The following SON variants were observed in gnomAD, a reference collection of about 807,000 sequenced individuals.
The protein encoded by SON is protein SON.
SON carries 4 observed loss-of-function variants against 173.3 expected under a neutral mutation model. The ratio of observed to expected loss-of-function variants is 0.02; its 90% CI spans 0.01 to 0.05. The LOEUF is 0.05. Among genes scored for constraint, SON ranks in the 10% least tolerant of loss-of-function variants. SON has a pLI of 1.00. For synonymous variants in SON, 1,190 were observed against 1,105.9 expected (o/e 1.08, Z -1.51); for missense variants, 2,626 against 3,055.3 (o/e 0.86, Z 3.31).
intron 2 of SON, among the ~76,000 whole-genome samples, chr21:33,548,530 C>G (rs573618409): frequency 1.3e-5 from 2 of 152,322 alleles, no homozygotes; most frequent in Admixed American, 1.3e-4. Context: ...TTTTTATACT[C>G]TGTAGAAGCA....
intron 1 of SON, among the ~76,000 whole-genome samples, chr21:33,544,772 C>A (rs1416141123): frequency 6.6e-6 from 1 of 152,160 alleles, no homozygotes; most frequent in African/African-American, 2.4e-5. Flanking sequence ...AAGATGAAAT[C>A]ATTACTTCCT....
At position 33,573,172 on chromosome 21, in the gene SON, TAGAGG is replaced by T. The variant is rs534355524; in HGVS notation, c.6886-134_6886-130del. On this transcript the variant is annotated intron_variant, in intron 8 of 11. Coordinates refer to ENST00000356577, the MANE Select transcript of SON (RefSeq NM_138927.4). The stretch of plus-strand genomic sequence containing the variant: ...TACACACTACAGTATGTATAAAGTA[TAGAGG>T]AATTTACATTTAATTGCTATAACAG... The T allele has an allele frequency of 1.2e-4, 79 of 666,886 alleles. No homozygotes were observed. In the African/African-American group the frequency reaches 1.3e-3, roughly 11 times the overall value. 41.3% of individuals were successfully genotyped at this position (666,886 alleles called of 1,614,324 possible).
chr21:33,565,357 C>T (rs758902466), intron 6 of SON, among the ~76,000 whole-genome samples: 65 of 152,238 alleles, frequency 4.3e-4, no homozygotes, highest in Admixed American at 2.0e-3. Flanking sequence ...TGCCTAAGCA[C>T]CCTAACACTT....
At position 33,576,522 on chromosome 21, in the gene SON, A is replaced by G. The variant is rs1298809919; in HGVS notation, c.*98A>G. On this transcript the variant is annotated 3_prime_UTR_variant, in exon 12 of 12. Transcript: ENST00000356577. ...TGGTTCTTCAAGCAATGGGCCTTGT[A>G]CCAAAGGACCTCATGGCTAATGCCA... 1.2e-6 allele frequency: 1 copy of G among 811,234 alleles called. No individual in the cohort carries two copies. Among genetic ancestry groups the G allele is most frequent in the Non-Finnish European group, 2.2e-6 (1 of 446,496 alleles). The allele number at this position is 811,234 out of a possible 1,614,324, so 50.3% of individuals were successfully genotyped here.
intron 9 of SON, 132 bp downstream of exon 9, chr21:33,573,587 T>G (rs2086334616): frequency 2.8e-6 from 2 of 717,054 alleles, no homozygotes; most frequent in Admixed American, 6.2e-5. Flanking sequence ...GAAAAAACAT[T>G]AACCCCTTTT....
rs762060083 is a variant in SON at position 33,553,283 on chromosome 21, C to T, written c.4052C>T (p.Ala1351Val). The T allele has an allele frequency of 6.2e-7, 1 of 1,614,160 alleles. No homozygotes were observed. Among genetic ancestry groups the T allele is most frequent in the East Asian group, 2.2e-5 (1 of 44,896 alleles). ...ATTCTGGAGCCGCCAGCCATGGCTG[C>T]CCCAGAGTCTTCAGCTATGGCTGTC... ...ESILEPPAMA[A>V]PESSAMAVLE... The change falls in exon 3 of 12, where the codon GCC becomes GTC. Residue 1351 changes from alanine to valine, a missense_variant. Around this residue, in one of 13 missense-constraint regions of SON, gnomAD observed 1,006 missense variants for 895.6 expected, o/e 1.12. Transcript: ENST00000356577.
At chr21:33,564,272 C>A (rs1257446940) in intron 6 of SON, among the ~76,000 whole-genome samples, 2 of 152,180 alleles carry the variant, frequency 1.3e-5, no homozygotes, top group African/African-American at 4.8e-5. Context: ...GGTTTTTAAT[C>A]ACACTAGTTA....
In SON at chr21:33,559,416, T is replaced by C. The variant is rs757371356; in HGVS notation, c.6468+40T>C. ...TTATGGATTGGTAAAACAGTGTAACTTGTGGAACTATTTAAATAAAACCCA... is the reference window on the plus strand; with the variant it reads ...TTATGGATTGGTAAAACAGTGTAACCTGTGGAACTATTTAAATAAAACCCA... On this transcript the variant is annotated intron_variant, in intron 5 of 11. Coordinates refer to ENST00000356577, the MANE Select transcript of SON (RefSeq NM_138927.4). The surrounding 1 kb of genome is among the most constrained non-coding windows in gnomAD (Gnocchi z 4.1). 1 of 1,556,370 alleles carries C rather than the reference T, an allele frequency of 6.4e-7. No homozygotes were observed. Among genetic ancestry groups the C allele is most frequent in the Non-Finnish European group, 8.7e-7 (1 of 1,154,456 alleles).
rs559157240 is a variant in SON at position 33,567,411 on chromosome 21, T to C, written c.6768+144T>C. 8.2e-6 allele frequency: 5 copies of C among 609,284 alleles called. No individual in the cohort carries two copies. The South Asian group carries it at 8.4e-5, about 10-fold the overall frequency. The allele number at this position is 609,284 out of a possible 1,614,324, so 37.7% of individuals were successfully genotyped here. ...TTACCTTATTTTCAATGTCTTATTT[T>C]AAATGAAAGTGATTCGAGGCCTGAT... On this transcript the variant is annotated intron_variant, in intron 7 of 11. Coordinates refer to ENST00000356577, the MANE Select transcript of SON (RefSeq NM_138927.4).
At chr21:33,556,143 GTTAA>G (rs2085961738) in intron 3 of SON, among the ~76,000 whole-genome samples, 1 of 152,158 alleles carries the variant, frequency 6.6e-6, no homozygotes, top group African/African-American at 2.4e-5. Flanking sequence ...AGAAGAAGAG[GTTAA>G]GAGTAAAAAG....
At chr21:33,548,950 T>C (rs568676195) in intron 2 of SON, among the ~76,000 whole-genome samples, 3 of 152,244 alleles carry the variant, frequency 2.0e-5, no homozygotes, top group Non-Finnish European at 4.4e-5. Context: ...TGGTGTTTAA[T>C]AATTTATTTT....
intron 7 of SON, 57 bp from the exon 8 acceptor site, chr21:33,568,914 G>C (rs1413759200): frequency 2.1e-6 from 2 of 954,788 alleles, no homozygotes; most frequent in East Asian, 4.9e-5. Flanking sequence ...ATTATTACCA[G>C]TGATGTTTTA....
Position 33,550,117 on chromosome 21 carries a change from G to C in SON, c.886G>C (p.Val296Leu). 6.2e-7 allele frequency: 1 copy of C among 1,614,180 alleles called. No homozygotes were observed. Among genetic ancestry groups the C allele is most frequent in the South Asian group, 1.1e-5 (1 of 91,090 alleles). Residue 296 changes from valine (V) to leucine (L), a missense_variant, in exon 3 of 12, where the codon GTA (valine) becomes CTA (leucine). By Grantham distance (32) the Val-to-Leu change is conservative. Transcript: ENST00000356577. ...PSKIMLVEPPVAKVLEPSETL... is the reference protein window; with the variant it reads ...PSKIMLVEPPLAKVLEPSETL... Reference sequence around the variant, plus strand: ...AAAGATCATGTTGGTAGAGCCCCCAGTAGCAAAAGTGTTAGAGCCTTCAGA... The same window carrying C: ...AAAGATCATGTTGGTAGAGCCCCCACTAGCAAAAGTGTTAGAGCCTTCAGA...
chr21:33,563,861 T>G (rs2086114836), intron 6 of SON, among the ~76,000 whole-genome samples: 1 of 152,230 alleles, frequency 6.6e-6, no homozygotes, highest in Non-Finnish European at 1.5e-5. Context: ...GTTGTCTGCT[T>G]TCTTGCTGAG....
Position 33,549,917 on chromosome 21 carries a change from C to A in SON, c.686C>A (p.Ser229Tyr), listed in dbSNP as rs138450273. The A allele has an allele frequency of 2.5e-6, 4 of 1,614,094 alleles. No homozygotes were observed. The African/African-American group carries it at 5.3e-5, about 22-fold the overall frequency. ...GTAATCTCAGAGCAGTCAGAGCAGT[C>A]TGTGGCAGTAATGCCAGAACCATCC... ...TSVISEQSEQ[S>Y]VAVMPEPSMT... Residue 229 changes from serine (S) to tyrosine (Y), a missense_variant, in exon 3 of 12, where the codon TCT (serine) becomes TAT (tyrosine). Around this residue, in one of 13 missense-constraint regions of SON, gnomAD observed 757 missense variants for 730.1 expected, o/e 1.04. Transcript: ENST00000356577.
At chr21:33,548,999 G>A (rs1315136755) in intron 2 of SON, among the ~76,000 whole-genome samples, 2 of 152,002 alleles carry the variant, frequency 1.3e-5, no homozygotes, top group Non-Finnish European at 2.9e-5. Context: ...TATCAGAAAA[G>A]TAGTAGTCTC....
intron 1 of SON, among the ~76,000 whole-genome samples, chr21:33,544,545 T>TCC (rs140620400): frequency 9.7e-4 from 147 of 151,978 alleles, no homozygotes; most frequent in Non-Finnish European, 1.6e-3. Flanking sequence ...TCATTTCATT[T>TCC]CCCCCCCCAT....
At position 33,551,166 on chromosome 21, in the gene SON, T is replaced by A. The variant is rs764777136; in HGVS notation, c.1935T>A (p.Pro645=). ...GGGCGCCAGAGTTGCCTGGGCAGCCTGTGGCAACTGTGGCGCTGGAGATCT... is the reference window on the plus strand; with the variant it reads ...GGGCGCCAGAGTTGCCTGGGCAGCCAGTGGCAACTGTGGCGCTGGAGATCT... ...QPGAPELPGQ[P]VATVALEISV... is the part of the protein sequence containing the mutation. Residue 645 remains proline, a synonymous_variant, in exon 3 of 12, where the codon CCT becomes CCA. Transcript: ENST00000356577. The A allele has an allele frequency of 5.6e-6, 9 of 1,613,822 alleles. No homozygotes were observed. The African/African-American group carries it at 8.0e-5, about 14-fold the overall frequency.
chr21:33,564,538 TCTA>T (rs1052301618), intron 6 of SON, among the ~76,000 whole-genome samples: 25 of 152,310 alleles, frequency 1.6e-4, no homozygotes, highest in African/African-American at 5.5e-4. Context: ...CTTGATTCAT[TCTA>T]CTTTGAGTAT....
Sources: gnomAD v4.1 joint callset for allele counts (sites outside exome capture counted in the v4.1 genomes callset) on GRCh38, gnomAD v4.1.1 for gene constraint, gnomAD v4.1.1 regional missense constraint, Gnocchi (gnomAD v3.1) non-coding constraint, MANE v1.5 for transcripts, NCBI Gene and HGNC (gene_info 2026-07-23, HGNC 2026-07-21) for gene names.